The following TTC27 variants were observed in gnomAD, a reference collection of about 807,000 sequenced individuals.
TTC27 encodes tetratricopeptide repeat domain 27.
Under a neutral mutation model 115.9 loss-of-function variants are expected in TTC27, and 79 were observed. That is an observed-to-expected ratio of 0.68 (90% CI 0.57 to 0.82). The LOEUF is 0.82. Among genes scored for constraint, TTC27 ranks in the 40% least tolerant of loss-of-function variants. The pLI, the probability that TTC27 is intolerant of heterozygous loss-of-function variation, is 0.00. For missense variants in TTC27, 1,054 were observed against 993.1 expected (o/e 1.06, Z -0.82); for synonymous variants, 401 against 356.0 (o/e 1.13, Z -1.42).
intron 11 of TTC27, among the ~76,000 whole-genome samples, chr2:32,734,936 G>A (rs1238553957): frequency 2.6e-5 from 4 of 152,158 alleles, no homozygotes; most frequent in Non-Finnish European, 4.4e-5. Flanking sequence ...TTTTACACGT[G>A]AGGAAGCTAA....
intron 5 of TTC27, among the ~76,000 whole-genome samples, chr2:32,651,015 C>G (rs1665101827): frequency 6.6e-6 from 1 of 151,654 alleles, no homozygotes; most frequent in Non-Finnish European, 1.5e-5. Context: ...AGTTGCCACA[C>G]AAAACAAAAA....
intron 9 of TTC27, among the ~76,000 whole-genome samples, chr2:32,679,661 A>G (rs1255517448): frequency 6.6e-6 from 1 of 152,172 alleles, no homozygotes. Flanking sequence ...TATTTTTCAG[A>G]TAAGGCAAAA....
At position 32,817,441 on chromosome 2, in the gene TTC27, C is replaced by T. The variant is rs771614148; in HGVS notation, c.2309-16C>T. Reference sequence around the variant, plus strand: ...ACACTTTTTAATGGATGTTTCTCTCCATACTTATCTTCCAGTGGCCATAAA... The same window carrying T: ...ACACTTTTTAATGGATGTTTCTCTCTATACTTATCTTCCAGTGGCCATAAA... On this transcript the variant is annotated splice_polypyrimidine_tract_variant and intron_variant, in intron 18 of 19. Coordinates refer to ENST00000317907, the MANE Select transcript of TTC27 (RefSeq NM_017735.5). The T allele has an allele frequency of 3.7e-6, 6 of 1,601,562 alleles. No individual in the cohort carries two copies. The highest frequency in any genetic ancestry group is 2.2e-5 in the East Asian group (1 of 44,774).
At chr2:32,762,465 A>G (rs1167772354) in intron 13 of TTC27, among the ~76,000 whole-genome samples, 2 of 152,100 alleles carry the variant, frequency 1.3e-5, no homozygotes, top group East Asian at 1.9e-4. Flanking sequence ...TTTTTATTTG[A>G]CAGATAGCCA....
intron 12 of TTC27, among the ~76,000 whole-genome samples, chr2:32,740,304 A>C (rs1668587071): frequency 6.6e-6 from 1 of 152,218 alleles, no homozygotes; most frequent in African/African-American, 2.4e-5. Context: ...CCCTGAGATT[A>C]CATGGTCCTA....
chr2:32,681,354 C>T (rs1004151772), intron 9 of TTC27, among the ~76,000 whole-genome samples: 1 of 152,154 alleles, frequency 6.6e-6, no homozygotes, highest in Non-Finnish European at 1.5e-5. Context: ...CAGCCCTTGT[C>T]AGCTCTTCAT....
intron 7 of TTC27, among the ~76,000 whole-genome samples, chr2:32,667,879 C>T (rs1572495243): frequency 6.8e-6 from 1 of 147,560 alleles, no homozygotes; most frequent in Non-Finnish European, 1.5e-5. Flanking sequence ...AATGGTGAAA[C>T]CCTGTCTCTA....
At chr2:32,768,098 A>G (rs1032338838) in intron 13 of TTC27, among the ~76,000 whole-genome samples, 1 of 152,230 alleles carries the variant, frequency 6.6e-6, no homozygotes. Context: ...AAAGCATATG[A>G]ATGTCTACTC....
intron 4 of TTC27, among the ~76,000 whole-genome samples, chr2:32,643,244 A>T (rs1173611704): frequency 6.6e-6 from 1 of 152,076 alleles, no homozygotes; most frequent in Non-Finnish European, 1.5e-5. Flanking sequence ...TCCCCTAAGT[A>T]AGTTGATCTG....
chr2:32,797,040 G>A (rs548558473), intron 16 of TTC27, among the ~76,000 whole-genome samples: 5 of 151,958 alleles, frequency 3.3e-5, no homozygotes, highest in African/African-American at 1.2e-4. Context: ...TGGGCATGGT[G>A]GTGCACGCCT....
intron 18 of TTC27, 57 bp downstream of exon 18, chr2:32,812,672 G>A: frequency 7.7e-7 from 1 of 1,306,318 alleles, no homozygotes; most frequent in Non-Finnish European, 1.1e-6. Flanking sequence ...TCTACTGACA[G>A]AAAAGAGTGT....
chr2:32,652,906 A>G (rs1665184055), intron 5 of TTC27, among the ~76,000 whole-genome samples: 1 of 152,160 alleles, frequency 6.6e-6, no homozygotes, highest in South Asian at 2.1e-4. Flanking sequence ...TATGATATTT[A>G]GGTTTTTGTC....
At chr2:32,675,700 G>A (rs895409984) in intron 8 of TTC27, among the ~76,000 whole-genome samples, 1 of 152,080 alleles carries the variant, frequency 6.6e-6, no homozygotes, top group Admixed American at 6.6e-5. Context: ...TCTGATCCCT[G>A]TGGTCGCTAA....
At chr2:32,816,597 A>G (rs1279273974) in intron 18 of TTC27, among the ~76,000 whole-genome samples, 2 of 152,186 alleles carry the variant, frequency 1.3e-5, no homozygotes, top group Non-Finnish European at 2.9e-5. Context: ...AGGTTTTGGG[A>G]AAATGAGTTC....
intron 16 of TTC27, among the ~76,000 whole-genome samples, chr2:32,805,075 T>C (rs933812195): frequency 1.3e-5 from 2 of 152,184 alleles, no homozygotes; most frequent in African/African-American, 2.4e-5. Flanking sequence ...GCTTTGTAAA[T>C]TGATGTAGCA....
intron 10 of TTC27, among the ~76,000 whole-genome samples, chr2:32,723,878 C>T (rs1213753152): frequency 1.3e-5 from 2 of 151,030 alleles, no homozygotes; most frequent in African/African-American, 2.4e-5. Context: ...TAGCTCACTG[C>T]ATCCTCAACC....
At chr2:32,709,290 T>A (rs1173835722) in intron 10 of TTC27, among the ~76,000 whole-genome samples, 1 of 152,176 alleles carries the variant, frequency 6.6e-6, no homozygotes, top group Admixed American at 6.5e-5. Flanking sequence ...AAGGGAAAGA[T>A]GTCAGTTTTA....
chr2:32,634,519 G>GCTCA (rs1399600361), intron 3 of TTC27, among the ~76,000 whole-genome samples: 1 of 151,160 alleles, frequency 6.6e-6, no homozygotes, highest in Non-Finnish European at 1.5e-5. Flanking sequence ...AAACTCCTGG[G>GCTCA]CTCAAGTGGT....
At chr2:32,820,160 G>A (rs983476495) in intron 19 of TTC27, among the ~76,000 whole-genome samples, 7 of 152,194 alleles carry the variant, frequency 4.6e-5, no homozygotes, top group African/African-American at 1.7e-4. Flanking sequence ...GCACATGTGT[G>A]CACACATACA....
Sources: allele counts gnomAD v4.1 joint callset (sites outside exome capture counted in the v4.1 genomes callset), GRCh38; gene constraint gnomAD v4.1.1; transcripts MANE v1.5; gene names NCBI Gene and HGNC (gene_info 2026-07-23, HGNC 2026-07-21).